The following PTPA variants were observed in gnomAD, a reference collection of about 807,000 sequenced individuals.
The protein encoded by PTPA is protein phosphatase 2 phosphatase activator.
PTPA carries 13 observed loss-of-function variants against 43.6 expected under a neutral mutation model. That is an observed-to-expected ratio of 0.30 (90% confidence interval 0.19 to 0.47). PTPA has a LOEUF of 0.47. Among genes scored for constraint, PTPA ranks in the 20% least tolerant of loss-of-function variants. The probability of loss-of-function intolerance (pLI) is 0.99; values close to 1 mark genes in which losing one functional copy is unlikely to be tolerated. For missense variants in PTPA, 329 were observed against 411.9 expected (o/e 0.80, Z 1.74); for synonymous variants, 172 against 158.2 (o/e 1.09, Z -0.66).
At chr9:129,133,683 G>A (rs531834572) in intron 5 of PTPA, among the ~76,000 whole-genome samples, 1 of 152,328 alleles carries the variant, frequency 6.6e-6, no homozygotes, top group South Asian at 2.1e-4. Context: ...CTGATCATGT[G>A]TTCCCTGCTT....
chr9:129,142,702 G>T (rs1258536357), intron 9 of PTPA, 150 bp downstream of exon 9: 1 of 1,542,586 alleles, frequency 6.5e-7, no homozygotes, highest in Non-Finnish European at 8.7e-7. Flanking sequence ...TGACACTTGG[G>T]GCCTCGGAAT....
rs541420565 is a variant in PTPA at position 129,136,629 on chromosome 9, C to T, written c.685+34C>T. On this transcript the variant is annotated intron_variant, in intron 7 of 9. Coordinates refer to ENST00000393370, the MANE Select transcript of PTPA (RefSeq NM_178000.3). ...GCGGGAGGTGCCTATCCCTCCACCC[C>T]CAACCAAGGCTGCGTTCTGTGGCCC... 6 of 1,577,390 alleles carry T rather than the reference C, an allele frequency of 3.8e-6. 1 individual carries two copies. The highest frequency in any genetic ancestry group is 2.7e-5 in the African/African-American group (2 of 74,054).
intron 2 of PTPA, 139 bp downstream of exon 2, chr9:129,120,749 G>GACAGCCAGCTCCC: frequency 1.5e-6 from 1 of 688,256 alleles, no homozygotes; most frequent in Non-Finnish European, 2.5e-6. Flanking sequence ...TGACAGGGGA[G>GACAGCCAGCTCCC]CTGGCTGTCT....
intron 5 of PTPA, among the ~76,000 whole-genome samples, chr9:129,134,133 GACTT>G (rs1383441776): frequency 1.3e-5 from 2 of 152,072 alleles, no homozygotes; most frequent in Non-Finnish European, 2.9e-5. Context: ...TGAGGGCAAG[GACTT>G]ACTTGTCACT....
Position 129,142,965 on chromosome 9 carries a change from C to G in PTPA, c.894+413C>G, listed in dbSNP as rs1361979871. The G allele has an allele frequency of 2.9e-6, 4 of 1,383,900 alleles. No homozygotes were observed. The African/African-American group carries it at 4.4e-5, about 15-fold the overall frequency. The allele number at this position is 1,383,900 out of a possible 1,614,324, so 85.7% of individuals were successfully genotyped here. A position where few individuals can be genotyped will look rare whatever the true frequency, so the allele number is the denominator to read the frequency against. On this transcript the variant is annotated intron_variant, in intron 9 of 9. Transcript: ENST00000393370. ...CTTTGGAGGCATCTCCAAAGTGCTG[C>G]CTTCAAATGTTAGTGTGTATGATCA...
intron 1 of PTPA, among the ~76,000 whole-genome samples, chr9:129,118,097 G>C (rs1849009778): frequency 6.8e-6 from 1 of 146,702 alleles, no homozygotes; most frequent in South Asian, 2.2e-4. Context: ...CTGTCAACCA[G>C]AGCTGGAGCG....
chr9:129,119,135 A>G, intron 1 of PTPA: 1 of 171,630 alleles, frequency 5.8e-6, no homozygotes, highest in South Asian at 1.0e-4. Flanking sequence ...AGTAGCTGGG[A>G]CTACAGGTAT....
intron 9 of PTPA, among the ~76,000 whole-genome samples, chr9:129,146,295 A>G (rs763907810): frequency 3.1e-4 from 47 of 151,720 alleles, no homozygotes; most frequent in Non-Finnish European, 4.6e-4. Context: ...CCACCCCACC[A>G]TGAGCTTGGT....
intron 5 of PTPA, among the ~76,000 whole-genome samples, chr9:129,133,314 G>C (rs1393646612): frequency 2.6e-5 from 4 of 152,196 alleles, no homozygotes. Context: ...CTTTGACTAA[G>C]ACCAGCAGGA....
chr9:129,116,265 A>G (rs1295081394), intron 1 of PTPA, among the ~76,000 whole-genome samples: 3 of 151,586 alleles, frequency 2.0e-5, no homozygotes, highest in African/African-American at 7.3e-5. Context: ...GCTCACTGCA[A>G]GCTCTGCCTC....
intron 4 of PTPA, among the ~76,000 whole-genome samples, chr9:129,131,062 A>C (rs1219630832): frequency 1.3e-5 from 2 of 151,658 alleles, no homozygotes; most frequent in African/African-American, 4.8e-5. Flanking sequence ...CTGTTGATGG[A>C]CATTTCCATT....
Position 129,147,948 on chromosome 9 carries a change from G to C in PTPA, c.*484G>C, listed in dbSNP as rs913273. ...GGCCATGCCGGGGTGGCCATCTATG[G>C]TAGGGCTGGAAGCTGAGGCTGGCCG... is the stretch of plus-strand genomic sequence containing the variant. On this transcript the variant is annotated 3_prime_UTR_variant, in exon 10 of 10. Transcript: ENST00000393370. 0.99 allele frequency: 150,247 copies of C among 151,650 alleles called. 74,444 individuals are homozygous for C. Among genetic ancestry groups the C allele is most frequent in the Non-Finnish European group, 1 (68,196 of 68,204 alleles). The allele number at this position is 151,650 out of a possible 1,614,324, so 9.4% of individuals were successfully genotyped here.
At chr9:129,112,116 C>G (rs1309047359) in intron 1 of PTPA, among the ~76,000 whole-genome samples, 2 of 152,188 alleles carry the variant, frequency 1.3e-5, no homozygotes, top group African/African-American at 4.8e-5. Context: ...CACCCCTCAT[C>G]CTCCTACTCT....
intron 8 of PTPA, among the ~76,000 whole-genome samples, chr9:129,139,022 C>T (rs1011688692): frequency 4.6e-5 from 7 of 152,156 alleles, no homozygotes; most frequent in Admixed American, 3.9e-4. Flanking sequence ...TGGGGGACCT[C>T]AGGATAAGCT....
rs1042313215 is a variant in PTPA, at chr9:129,147,583, C to T, written c.*119C>T. ...GTCCCGTTTGATGAGAGGCTGTTTA[C>T]TGGGGTGGGGTGGCGAGATGGGCTT... On this transcript the variant is annotated 3_prime_UTR_variant, in exon 10 of 10. Coordinates refer to ENST00000393370, the MANE Select transcript of PTPA (RefSeq NM_178000.3). 3.5e-6 allele frequency: 4 copies of T among 1,146,446 alleles called. No homozygotes were observed. The highest frequency in any genetic ancestry group is 2.8e-4 in the Middle Eastern group (1 of 3,516). 71.0% of individuals were successfully genotyped at this position (1,146,446 alleles called of 1,614,324 possible). A position where few individuals can be genotyped will look rare whatever the true frequency, so the allele number is the denominator to read the frequency against.
intron 8 of PTPA, among the ~76,000 whole-genome samples, chr9:129,141,175 G>A (rs930064643): frequency 1.3e-5 from 2 of 152,102 alleles, no homozygotes; most frequent in Admixed American, 6.5e-5. Flanking sequence ...AATCTTAAAA[G>A]TTTTGTCACA....
chr9:129,143,633 A>G, intron 9 of PTPA: 1 of 566,596 alleles, frequency 1.8e-6, no homozygotes, highest in Non-Finnish European at 3.2e-6. Flanking sequence ...AACTGAACAG[A>G]CCGGGCCCTC....
intron 9 of PTPA, chr9:129,143,419 G>A: frequency 1.4e-6 from 1 of 702,942 alleles, no homozygotes. Context: ...CTGTACTGTG[G>A]GCACCATCTC....
intron 5 of PTPA, among the ~76,000 whole-genome samples, chr9:129,133,731 A>G (rs1432909277): frequency 1.3e-5 from 2 of 152,270 alleles, no homozygotes; most frequent in East Asian, 1.9e-4. Flanking sequence ...CTTAGGGTAA[A>G]GTCTGAGCTC....
Sources: gnomAD v4.1 joint callset for allele counts (sites outside exome capture counted in the v4.1 genomes callset) on GRCh38, gnomAD v4.1.1 for gene constraint, MANE v1.5 for transcripts, NCBI Gene and HGNC (gene_info 2026-07-23, HGNC 2026-07-21) for gene names.